The following CNBD1 variants were observed in gnomAD, a reference collection of about 807,000 sequenced individuals.
CNBD1 encodes the protein cyclic nucleotide-binding domain-containing protein 1.
Under a neutral mutation model 54.4 loss-of-function variants are expected in CNBD1, and 71 were observed. The observed-to-expected ratio is 1.30, with a 90% CI of 1.08 to 1.59. The LOEUF is 1.59. CNBD1 is among the 40% of genes most tolerant of loss of function. The probability of loss-of-function intolerance (pLI) is 0.00; values close to 1 mark genes in which losing one functional copy is unlikely to be tolerated. For missense variants in CNBD1, 659 were observed against 518.0 expected (o/e 1.27, Z -2.64); for synonymous variants, 182 against 170.7 (o/e 1.07, Z -0.51).
chr8:86,919,707 T>A (rs905766095), intron 3 of CNBD1, among the ~76,000 whole-genome samples: 3 of 152,198 alleles, frequency 2.0e-5, no homozygotes, highest in Non-Finnish European at 4.4e-5. Flanking sequence ...GGGAATTTAT[T>A]ATTAAAAGGT....
intron 4 of CNBD1, among the ~76,000 whole-genome samples, chr8:87,014,064 A>G (rs1342129189): frequency 6.6e-6 from 1 of 152,088 alleles, no homozygotes; most frequent in East Asian, 1.9e-4. Flanking sequence ...ATGTGTGTGT[A>G]TACAATATTT....
At chr8:87,234,559 T>C (rs77327514) in intron 5 of CNBD1, among the ~76,000 whole-genome samples, 8,575 of 152,232 alleles carry the variant, frequency 0.056, 786 homozygotes, top group African/African-American at 0.18. Context: ...AGGAGTCTTT[T>C]TTCTGAGTAG....
intron 8 of CNBD1, among the ~76,000 whole-genome samples, chr8:87,314,356 G>C (rs1809336676): frequency 6.6e-6 from 1 of 151,630 alleles, no homozygotes; most frequent in South Asian, 2.1e-4. Context: ...TATAAGTCAG[G>C]GGAGGAAAAT....
At chr8:87,054,675 A>T (rs1357609633) in intron 4 of CNBD1, among the ~76,000 whole-genome samples, 3 of 152,160 alleles carry the variant, frequency 2.0e-5, no homozygotes, top group Non-Finnish European at 4.4e-5. Context: ...TGGTGCCAAT[A>T]CCCAGCAGGC....
At chr8:87,277,105 T>C (rs1273600145) in intron 6 of CNBD1, among the ~76,000 whole-genome samples, 1 of 151,584 alleles carries the variant, frequency 6.6e-6, no homozygotes, top group Non-Finnish European at 1.5e-5. Flanking sequence ...CATATATGTA[T>C]ATGTATAGAT....
chr8:87,193,996 GT>G, intron 4 of CNBD1, among the ~76,000 whole-genome samples: 1 of 152,322 alleles, frequency 6.6e-6, no homozygotes, highest in East Asian at 1.9e-4. Flanking sequence ...ACAGCAGGAG[GT>G]GAATACCAGC....
intron 8 of CNBD1, among the ~76,000 whole-genome samples, chr8:87,343,723 T>C (rs149233779): frequency 1.5e-3 from 221 of 152,302 alleles, no homozygotes; most frequent in African/African-American, 4.9e-3. Context: ...GTAATCATTT[T>C]AAAAAATATT....
intron 5 of CNBD1, among the ~76,000 whole-genome samples, chr8:87,231,289 CTTATT>C: frequency 6.6e-6 from 1 of 152,106 alleles, no homozygotes; most frequent in East Asian, 1.9e-4. Context: ...ACACTGTAGT[CTTATT>C]TTATCATAAT....
intron 8 of CNBD1, among the ~76,000 whole-genome samples, chr8:87,287,715 G>A (rs1808723488): frequency 6.6e-6 from 1 of 151,914 alleles, no homozygotes; most frequent in South Asian, 2.1e-4. Flanking sequence ...TTCTTTTACT[G>A]AAAAAAAGTA....
intron 2 of CNBD1, among the ~76,000 whole-genome samples, chr8:86,902,739 A>G (rs1232299626): frequency 6.6e-6 from 1 of 151,970 alleles, no homozygotes; most frequent in Non-Finnish European, 1.5e-5. Context: ...AGCCTGGTAA[A>G]TCACGAAAAA....
chr8:87,316,420 G>A (rs1357291642), intron 8 of CNBD1, among the ~76,000 whole-genome samples: 2 of 151,856 alleles, frequency 1.3e-5, no homozygotes, highest in Non-Finnish European at 2.9e-5. Context: ...AATTTTCCTA[G>A]AAGTTAGAAA....
At chr8:87,081,660 C>A (rs923109735) in intron 4 of CNBD1, among the ~76,000 whole-genome samples, 10 of 152,000 alleles carry the variant, frequency 6.6e-5, no homozygotes, top group Non-Finnish European at 1.3e-4. Context: ...CGCGCCACCA[C>A]ACCCAGCTAA....
At chr8:86,896,387 A>G (rs1411109891) in intron 2 of CNBD1, among the ~76,000 whole-genome samples, 1 of 152,154 alleles carries the variant, frequency 6.6e-6, no homozygotes. Flanking sequence ...TGGTTTGGAT[A>G]ATATGAACAT....
chr8:87,077,431 A>G (rs1040861773), intron 4 of CNBD1, among the ~76,000 whole-genome samples: 3 of 58,456 alleles, frequency 5.1e-5, no homozygotes, highest in Non-Finnish European at 7.3e-5. Context: ...TTTTTTTTTT[A>G]TTATACTTTA....
chr8:87,028,914 C>T (rs912690164), intron 4 of CNBD1, among the ~76,000 whole-genome samples: 5 of 152,196 alleles, frequency 3.3e-5, no homozygotes, highest in Admixed American at 3.3e-4. Flanking sequence ...ACAAGGTGTA[C>T]AAGGCTTCCC....
chr8:87,046,511 T>C (rs1045315840), intron 4 of CNBD1, among the ~76,000 whole-genome samples: 1 of 152,144 alleles, frequency 6.6e-6, no homozygotes, highest in Non-Finnish European at 1.5e-5. Flanking sequence ...GCCACTATAG[T>C]GCATGTTCCC....
chr8:87,380,930 CT>C (rs1311082365), intron 10 of CNBD1, among the ~76,000 whole-genome samples: 8 of 152,020 alleles, frequency 5.3e-5, no homozygotes, highest in Admixed American at 2.0e-4. Context: ...AGAATTGTAA[CT>C]GTTAAACTCT....
chr8:86,896,625 C>A (rs1161626373), intron 2 of CNBD1, among the ~76,000 whole-genome samples: 1 of 151,948 alleles, frequency 6.6e-6, no homozygotes, highest in Non-Finnish European at 1.5e-5. Flanking sequence ...GTATAAAAAT[C>A]TACTAATTTT....
At chr8:86,897,171 T>G (rs1417374503) in intron 2 of CNBD1, among the ~76,000 whole-genome samples, 1 of 152,182 alleles carries the variant, frequency 6.6e-6, no homozygotes, top group African/African-American at 2.4e-5. Context: ...TGCTTAGTAA[T>G]TTTTGAACAA....
Sources: gnomAD v4.1 joint callset for allele counts (sites outside exome capture counted in the v4.1 genomes callset) on GRCh38, gnomAD v4.1.1 for gene constraint, MANE v1.5 for transcripts, NCBI Gene and HGNC (gene_info 2026-07-23, HGNC 2026-07-21) for gene names.